The following MAPKAPK5 variants were observed in gnomAD, a reference collection of about 807,000 sequenced individuals.
MAPKAPK5 encodes the protein MAP kinase-activated protein kinase 5.
A neutral mutation model predicts 65.1 loss-of-function variants in MAPKAPK5; 30 were observed. That is an observed-to-expected ratio of 0.46 (90% CI 0.34 to 0.63). The LOEUF is 0.63. Ranked by LOEUF, MAPKAPK5 falls within the 20% of genes least tolerant of loss-of-function variation. MAPKAPK5 has a pLI of 0.01. For missense variants in MAPKAPK5, 433 were observed against 581.4 expected, an observed-to-expected ratio of 0.74 and a Z score of 2.63; for synonymous variants, 179 against 204.6, an observed-to-expected ratio of 0.87 and a Z score of 1.07.
chr12:111,874,407 A>G (rs1280152320), intron 7 of MAPKAPK5, among the ~76,000 whole-genome samples: 1 of 151,746 alleles, frequency 6.6e-6, no homozygotes, highest in Non-Finnish European at 1.5e-5. Context: ...AAAAAAAAAA[A>G]ATTCATTTTC....
At chr12:111,844,735 T>C (rs886924017) in intron 1 of MAPKAPK5, among the ~76,000 whole-genome samples, 1 of 152,202 alleles carries the variant, frequency 6.6e-6, no homozygotes, top group East Asian at 1.9e-4. Flanking sequence ...GAGTACTGTG[T>C]TAAATAGGGT....
At chr12:111,891,349 A>C (rs2070601507) in intron 13 of MAPKAPK5, among the ~76,000 whole-genome samples, 1 of 146,280 alleles carries the variant, frequency 6.8e-6, no homozygotes, top group Non-Finnish European at 1.5e-5. Flanking sequence ...TGATCCACCC[A>C]CCTTGGCCTC....
intron 1 of MAPKAPK5, among the ~76,000 whole-genome samples, chr12:111,859,663 T>C (rs922508990): frequency 1.2e-4 from 18 of 151,572 alleles, no homozygotes; most frequent in Admixed American, 2.0e-4. Context: ...TTTTTTTTTT[T>C]TTTGAGACTG....
At chr12:111,891,674 GCA>G (rs1402920052) in intron 13 of MAPKAPK5, among the ~76,000 whole-genome samples, 3 of 151,098 alleles carry the variant, frequency 2.0e-5, no homozygotes, top group African/African-American at 7.3e-5. Flanking sequence ...GGGCATGGTG[GCA>G]TGCGCCTGTA....
chr12:111,853,811 A>C (rs928577276), intron 1 of MAPKAPK5, among the ~76,000 whole-genome samples: 12 of 152,246 alleles, frequency 7.9e-5, no homozygotes, highest in Admixed American at 3.9e-4. Flanking sequence ...CTGGGATTAC[A>C]GGCTTAAGCC....
At chr12:111,843,474 CCA>C in intron 1 of MAPKAPK5, 1 of 389,692 alleles carries the variant, frequency 2.6e-6, no homozygotes. Context: ...CCACTCAGGG[CCA>C]GTTATCTGTC....
In MAPKAPK5 at chr12:111,885,997, G is replaced by A. The variant is rs1461797759; in HGVS notation, c.930G>A (p.Leu310=). The part of the protein sequence containing the change: ...DHPWLNSTEA[L]DNVLPSAQLM... ...CCTGGCTCAATTCCACCGAGGCCCT[G>A]GATAATGTGCTGCCTTCTGCTCAGC... Residue 310 remains leucine, a synonymous_variant, in exon 10 of 14, where the codon CTG becomes CTA. Transcript: ENST00000550735. The A allele has an allele frequency of 6.2e-7, 1 of 1,613,928 alleles. No homozygotes were observed. The highest frequency in any genetic ancestry group is 1.1e-5 in the South Asian group (1 of 91,068).
At chr12:111,849,747 C>T (rs755145052) in intron 1 of MAPKAPK5, among the ~76,000 whole-genome samples, 1 of 151,838 alleles carries the variant, frequency 6.6e-6, no homozygotes, top group Non-Finnish European at 1.5e-5. Flanking sequence ...AGGACAGTCT[C>T]ACTCCATCAC....
intron 12 of MAPKAPK5, chr12:111,889,221 TG>T (rs1265872746): frequency 4.4e-6 from 2 of 453,510 alleles, no homozygotes; most frequent in Admixed American, 7.6e-5. Flanking sequence ...GCCCCTCCTT[TG>T]TTTCTGTGGA....
In MAPKAPK5 at chr12:111,868,880, C is replaced by G. The variant is rs1044655694; in HGVS notation, c.393+19C>G. On this transcript the variant is annotated intron_variant, in intron 5 of 13. Transcript: ENST00000550735. The stretch of plus-strand genomic sequence containing the variant: ...AAAGCAGGCAAGTTAACCCCAGGTA[C>G]CAATCAAACTGCCACCAAAGTTGGT... 39 of 1,528,442 alleles carry G rather than the reference C, an allele frequency of 2.6e-5. No homozygotes were observed. The highest frequency in any genetic ancestry group is 3.3e-5 in the Non-Finnish European group (38 of 1,134,872). 94.7% of individuals were successfully genotyped at this position (1,528,442 alleles called of 1,614,324 possible).
Position 111,893,032 on chromosome 12 carries a change from G to A in MAPKAPK5, c.1387G>A (p.Glu463Lys), listed in dbSNP as rs1240686676. The part of the protein sequence containing the change: ...LAEIVKQVIE[E>K]QTTSHESQ ...AGAAATTGTGAAGCAGGTGATAGAA[G>A]AGCAAACCACGTCCCACGAATCCCA... is the stretch of plus-strand genomic sequence containing the variant. Residue 463 changes from glutamate (E) to lysine (K), a missense_variant, in exon 14 of 14, where the codon GAG becomes AAG. Physicochemically the swap from Glu to Lys is moderately conservative, Grantham distance 56. Around this residue, in one of 3 missense-constraint regions of MAPKAPK5, gnomAD observed 169 missense variants for 215.6 expected, o/e 0.78. Transcript: ENST00000550735. The A allele has an allele frequency of 3.8e-6, 6 of 1,582,722 alleles. No individual in the cohort carries two copies. Among genetic ancestry groups the A allele is most frequent in the Non-Finnish European group, 5.2e-6 (6 of 1,163,834 alleles).
chr12:111,868,839 A>C lies in MAPKAPK5; in HGVS notation c.371A>C (p.Gln124Pro). The C allele has an allele frequency of 6.4e-7, 1 of 1,561,780 alleles. No individual in the cohort carries two copies. Among genetic ancestry groups the C allele is most frequent in the Non-Finnish European group, 8.7e-7 (1 of 1,152,972 alleles). ...ISQHRHFTEK[Q>P]ASQVTKQIAL... ...CAGCACCGGCACTTTACAGAGAAGC[A>C]AGCCAGCCAAGTAACAAAGCAGGCA... is the stretch of plus-strand genomic sequence containing the variant. The change falls in exon 5 of 14, where the codon CAA becomes CCA. Residue 124 changes from glutamine (Q) to proline (P), a missense_variant. Physicochemically the swap from Gln to Pro is moderately conservative, Grantham distance 76. Coordinates refer to ENST00000550735, the MANE Select transcript of MAPKAPK5 (RefSeq NM_003668.4).
At position 111,886,112 on chromosome 12, in the gene MAPKAPK5, G is replaced by C. The variant is rs559584784; in HGVS notation, c.969+76G>C. 1.8e-4 allele frequency: 291 copies of C among 1,603,936 alleles called. 6 individuals carry two copies. The South Asian group carries it at 3.1e-3, about 17-fold the overall frequency. On this transcript the variant is annotated intron_variant, in intron 10 of 13. Transcript: ENST00000550735. ...ATGCTGGGGCTTGGCTCAGTGAGGG[G>C]TTAGAGGCAAAACAGTGCAGAGTAC...
At chr12:111,876,585 C>A (rs1268411809) in intron 7 of MAPKAPK5, among the ~76,000 whole-genome samples, 1 of 152,034 alleles carries the variant, frequency 6.6e-6, no homozygotes, top group Non-Finnish European at 1.5e-5. Flanking sequence ...CAAATAAACA[C>A]CATATCAAAT....
At chr12:111,892,925 C>A in intron 13 of MAPKAPK5, 42 bp from the exon 14 acceptor site, 3 of 1,454,108 alleles carry the variant, frequency 2.1e-6, no homozygotes, top group South Asian at 2.5e-5. Context: ...TGCCACCTCT[C>A]AAAGAATTTG....
At chr12:111,847,111 G>A (rs1436653223) in intron 1 of MAPKAPK5, among the ~76,000 whole-genome samples, 1 of 151,996 alleles carries the variant, frequency 6.6e-6, no homozygotes, top group African/African-American at 2.4e-5. Flanking sequence ...GGAGGCTGAG[G>A]TGGGTAGATC....
rs538377571 is a variant in MAPKAPK5, at chr12:111,900,513, A to G, written c.*7452A>G. 13 of 456,122 alleles carry G rather than the reference A, an allele frequency of 2.9e-5. No homozygotes were observed. Among genetic ancestry groups the G allele is most frequent in the African/African-American group, 2.2e-4 (11 of 50,212 alleles). 28.3% of individuals were successfully genotyped at this position (456,122 alleles called of 1,614,324 possible). A position where few individuals can be genotyped will look rare whatever the true frequency, so the allele number is the denominator to read the frequency against. ...CTTCTACCAGTTCCTTCGAGAACAC[A>G]AAGGGGCCTGCCTATTTAACAAGCC... On this transcript the variant is annotated 3_prime_UTR_variant, in exon 14 of 14. Coordinates refer to ENST00000550735, the MANE Select transcript of MAPKAPK5 (RefSeq NM_003668.4).
intron 4 of MAPKAPK5, 123 bp from the exon 5 acceptor site, chr12:111,868,630 A>C: frequency 1.4e-6 from 1 of 730,614 alleles, no homozygotes; most frequent in South Asian, 1.8e-5. Flanking sequence ...CCCTGGACTT[A>C]GGAAGTTGTT....
chr12:111,871,057 C>A, intron 6 of MAPKAPK5, 28 bp from the exon 7 acceptor site: 2 of 1,557,918 alleles, frequency 1.3e-6, no homozygotes, highest in Non-Finnish European at 8.8e-7. Flanking sequence ...CACTCTGGAG[C>A]AGTGACTCCT....
Sources: allele counts gnomAD v4.1 joint callset (sites outside exome capture counted in the v4.1 genomes callset), GRCh38; gene constraint gnomAD v4.1.1; regional missense constraint gnomAD v4.1.1; transcripts MANE v1.5; gene names NCBI Gene and HGNC (gene_info 2026-07-23, HGNC 2026-07-21).